PDE8B: variants seen among roughly 807,000 people sequenced by gnomAD.
PDE8B encodes the protein phosphodiesterase 8B.
A neutral mutation model predicts 101.3 loss-of-function variants in PDE8B; 26 were observed. The ratio of observed to expected loss-of-function variants is 0.26; its 90% confidence interval spans 0.19 to 0.36. The LOEUF is 0.36. Among genes scored for constraint, PDE8B ranks in the 10% least tolerant of loss-of-function variants. The probability of loss-of-function intolerance (pLI) is 1.00; values close to 1 mark genes in which losing one functional copy is unlikely to be tolerated. For synonymous variants in PDE8B, 424 were observed against 429.3 expected (o/e 0.99, Z 0.15); for missense variants, 810 against 1,163.1 (o/e 0.70, Z 4.42).
chr5:77,407,653 A>T (rs944990020), intron 13 of PDE8B, among the ~76,000 whole-genome samples, 196 bp downstream of exon 13: 2 of 152,238 alleles, frequency 1.3e-5, no homozygotes, highest in African/African-American at 4.8e-5. Flanking sequence ...GGGTTCTGTG[A>T]GAGAAAATTA....
At chr5:77,214,860 T>C (rs778705637) in intron 1 of PDE8B, among the ~76,000 whole-genome samples, 7 of 152,178 alleles carry the variant, frequency 4.6e-5, no homozygotes, top group Non-Finnish European at 1.0e-4. Context: ...TCTAACAAGC[T>C]TCCAGGAGAT....
At chr5:77,089,877 A>G in the PDE8B span, among the ~76,000 whole-genome samples, 1 of 152,246 alleles carries the variant, frequency 6.6e-6, no homozygotes, top group East Asian at 1.9e-4. Context: ...CACAATAGCC[A>G]AGATACAAAA....
chr5:77,211,006 C>A lies in PDE8B; in HGVS notation c.81C>A (p.Arg27=). The A allele has an allele frequency of 6.5e-7, 1 of 1,549,664 alleles. No homozygotes were observed. The highest frequency in any genetic ancestry group is 2.5e-5 in the East Asian group (1 of 39,340). The part of the protein sequence containing the change: ...CRDSDESSSP[R]QTTSVSQGPA... The stretch of plus-strand genomic sequence containing the variant: ...ACTCGGACGAGTCCAGCTCGCCCCG[C>A]CAGACCACCAGCGTGTCGCAGGGCC... Residue 27 remains arginine, a synonymous_variant, in exon 1 of 22, where the codon CGC becomes CGA. Transcript: ENST00000264917. This position sits in a 1 kb window ranked among gnomAD's most constrained non-coding sequence, Gnocchi z 4.1.
intron 10 of PDE8B, among the ~76,000 whole-genome samples, chr5:77,383,265 G>T (rs576604823): frequency 2.0e-5 from 3 of 152,058 alleles, no homozygotes; most frequent in African/African-American, 7.2e-5. Flanking sequence ...CATATCCTTC[G>T]CCCACTTGTT....
the PDE8B span, among the ~76,000 whole-genome samples, chr5:77,111,647 G>C: frequency 1.3e-5 from 2 of 152,160 alleles, no homozygotes; most frequent in African/African-American, 4.8e-5. Context: ...ATTTAAGTAT[G>C]ACCACATCCA....
intron 1 of PDE8B, among the ~76,000 whole-genome samples, chr5:77,311,557 G>A (rs1561508916): frequency 6.6e-6 from 1 of 152,196 alleles, no homozygotes; most frequent in Non-Finnish European, 1.5e-5. Context: ...ATGTGATTTA[G>A]CCTCAAGATT....
intron 10 of PDE8B, among the ~76,000 whole-genome samples, chr5:77,371,121 T>G (rs1009317740): frequency 6.6e-6 from 1 of 152,170 alleles, no homozygotes. Context: ...TTTTAAGAAG[T>G]TTTTAGTTTG....
At chr5:77,245,594 C>G (rs1317697655) in intron 1 of PDE8B, among the ~76,000 whole-genome samples, 3 of 152,166 alleles carry the variant, frequency 2.0e-5, no homozygotes, top group African/African-American at 7.2e-5. Flanking sequence ...TCCTCTTTCT[C>G]TTTGGTCTTT....
At chr5:77,256,950 T>A (rs1203334872) in intron 1 of PDE8B, among the ~76,000 whole-genome samples, 3 of 152,228 alleles carry the variant, frequency 2.0e-5, no homozygotes. Context: ...TTAAGAATAA[T>A]TTATTAAATC....
the PDE8B span, among the ~76,000 whole-genome samples, chr5:77,185,354 C>G: frequency 6.6e-6 from 1 of 152,200 alleles, no homozygotes; most frequent in Non-Finnish European, 1.5e-5. Context: ...GAGGACCTCT[C>G]TTCTTGGCTT....
chr5:77,211,078 C>T lies in PDE8B; in HGVS notation c.153C>T (p.Asp51=). 1 of 1,502,810 alleles carries T rather than the reference C, an allele frequency of 6.7e-7. No individual in the cohort carries two copies. Among genetic ancestry groups the T allele is most frequent in the Non-Finnish European group, 8.8e-7 (1 of 1,133,578 alleles). 93.1% of individuals were successfully genotyped at this position (1,502,810 alleles called of 1,614,324 possible). Residue 51 remains aspartate, a synonymous_variant, in exon 1 of 22, where the codon GAC becomes GAT. Coordinates refer to ENST00000264917, the MANE Select transcript of PDE8B (RefSeq NM_003719.5). The surrounding 1 kb of genome is among the most constrained non-coding windows in gnomAD (Gnocchi z 4.1). ...TCTTCGTCCAGACCGACGCCGCCGA[C>T]GCCATCCCCCCGAGCCGCGCGTCGG... is the stretch of plus-strand genomic sequence containing the variant. ...PGLFVQTDAA[D]AIPPSRASGP...
chr5:77,347,566 C>T (rs1005958911), intron 7 of PDE8B, among the ~76,000 whole-genome samples: 3 of 152,154 alleles, frequency 2.0e-5, no homozygotes, highest in African/African-American at 7.2e-5. Context: ...AGTTAATAAA[C>T]AGTCCTGAGT....
intron 10 of PDE8B, among the ~76,000 whole-genome samples, chr5:77,367,281 GTTGTGATGA>G (rs1184840348): frequency 1.3e-5 from 2 of 152,106 alleles, no homozygotes; most frequent in Admixed American, 6.5e-5. Flanking sequence ...GGTGAGCAGC[GTTGTGATGA>G]ATTCCTGGGG....
intron 1 of PDE8B, among the ~76,000 whole-genome samples, chr5:77,297,886 G>C (rs1196850225): frequency 6.6e-6 from 1 of 152,158 alleles, no homozygotes; most frequent in Admixed American, 6.5e-5. Context: ...GTGGTTTCCT[G>C]GAAATTTGCC....
chr5:77,112,464 G>T, the PDE8B span: 3 of 151,974 alleles, frequency 2.0e-5, no homozygotes, highest in African/African-American at 7.3e-5. Context: ...GTCTGTCTGG[G>T]CACCTAGTTA....
the PDE8B span, among the ~76,000 whole-genome samples, chr5:77,108,210 G>A: frequency 1.3e-5 from 2 of 152,140 alleles, no homozygotes; most frequent in African/African-American, 2.4e-5. Flanking sequence ...GTGAAACTGT[G>A]AGGTATAATA....
At chr5:77,344,080 G>C (rs539095396) in intron 6 of PDE8B, among the ~76,000 whole-genome samples, 66 of 152,196 alleles carry the variant, frequency 4.3e-4, no homozygotes, top group African/African-American at 1.6e-3. Context: ...ACCTCCTGAA[G>C]GACCTGCCTG....
At chr5:77,356,690 G>A (rs143482758) in intron 10 of PDE8B, among the ~76,000 whole-genome samples, 60 of 152,152 alleles carry the variant, frequency 3.9e-4, no homozygotes, top group African/African-American at 1.3e-3. Context: ...TCAGCCTCCC[G>A]AAGTGCTGGG....
chr5:77,289,503 T>C (rs1057148916), intron 1 of PDE8B, among the ~76,000 whole-genome samples: 5 of 152,218 alleles, frequency 3.3e-5, no homozygotes, highest in Non-Finnish European at 7.3e-5. Flanking sequence ...AGAGAAAGCA[T>C]TTTGGTGGTT....
Sources: gnomAD v4.1 joint callset for allele counts (sites outside exome capture counted in the v4.1 genomes callset) on GRCh38, gnomAD v4.1.1 for gene constraint, Gnocchi (gnomAD v3.1) non-coding constraint, MANE v1.5 for transcripts, NCBI Gene and HGNC (gene_info 2026-07-23, HGNC 2026-07-21) for gene names.